OPHN1: variants seen among roughly 807,000 people sequenced by gnomAD.
The protein encoded by OPHN1 is oligophrenin 1.
OPHN1 carries 11 observed loss-of-function variants against 60.7 expected under a neutral mutation model. The ratio of observed to expected loss-of-function variants is 0.18; its 90% CI spans 0.11 to 0.30. The LOEUF (loss-of-function observed/expected upper bound fraction) is 0.30, where lower values mean the gene tolerates loss of function less well. Among genes scored for constraint, OPHN1 ranks in the 10% least tolerant of loss-of-function variants. OPHN1 has a pLI of 1.00. For synonymous variants in OPHN1, 226 were observed against 222.6 expected (o/e 1.02, Z -0.14); for missense variants, 449 against 611.0 (o/e 0.73, Z 2.80).
intron 6 of OPHN1, among the ~76,000 whole-genome samples, chrX:68,231,191 A>G (rs2077727177): frequency 9.0e-6 from 1 of 111,718 alleles, no homozygotes; most frequent in African/African-American, 3.3e-5. Flanking sequence ...ACTACAAAAC[A>G]CTGATGAAAA....
intron 2 of OPHN1, among the ~76,000 whole-genome samples, chrX:68,311,522 T>G (rs1027281803): frequency 9.9e-5 from 11 of 111,271 alleles, no homozygotes; most frequent in Non-Finnish European, 1.7e-4. Flanking sequence ...AACCTCCGCC[T>G]CCTGGGTTTA....
At chrX:68,268,275 G>C (rs180776226) in intron 5 of OPHN1, among the ~76,000 whole-genome samples, 1 of 111,489 alleles carries the variant, frequency 9.0e-6, no homozygotes, top group Non-Finnish European at 1.9e-5. Flanking sequence ...AAGCCAGGCA[G>C]AGACACAACA....
At chrX:68,322,682 G>A (rs1191513418) in intron 2 of OPHN1, among the ~76,000 whole-genome samples, 1 of 111,300 alleles carries the variant, frequency 9.0e-6, no homozygotes, top group Non-Finnish European at 1.9e-5. Context: ...AGCTACTTGG[G>A]AGACTGAGTC....
chrX:68,264,601 C>T (rs929888084), intron 5 of OPHN1, among the ~76,000 whole-genome samples: 3 of 111,786 alleles, frequency 2.7e-5, no homozygotes, highest in African/African-American at 6.5e-5. Context: ...CCAGTGTGTG[C>T]GACGTAGAAG....
intron 2 of OPHN1, among the ~76,000 whole-genome samples, chrX:68,389,777 T>A (rs2078644542): frequency 9.1e-6 from 1 of 109,843 alleles, no homozygotes; most frequent in Non-Finnish European, 1.9e-5. Flanking sequence ...TTTCTGCCAC[T>A]TACTCACTAT....
At chrX:68,176,276 CGT>C (rs1027988781) in intron 15 of OPHN1, among the ~76,000 whole-genome samples, 6 of 111,534 alleles carry the variant, frequency 5.4e-5, no homozygotes, top group African/African-American at 2.0e-4. Context: ...ATCTGTAAAT[CGT>C]GTGTGTGTTA....
At chrX:68,170,649 G>T (rs1034184812) in intron 15 of OPHN1, among the ~76,000 whole-genome samples, 3 of 109,022 alleles carry the variant, frequency 2.8e-5, no homozygotes, top group Non-Finnish European at 5.7e-5. Context: ...TATGAAATTG[G>T]AAATCATCAT....
chrX:68,157,330 T>C (rs1265331993), intron 15 of OPHN1, among the ~76,000 whole-genome samples: 1 of 111,684 alleles, frequency 9.0e-6, no homozygotes, highest in East Asian at 2.8e-4. Flanking sequence ...TTATTAAAAG[T>C]ATACCATCCA....
Position 68,378,271 on chromosome X carries a change from T to C in OPHN1, c.154+54596A>G, listed in dbSNP as rs2078572301. On this transcript the variant is annotated intron_variant, in intron 2 of 24. Coordinates refer to ENST00000355520, the MANE Select transcript of OPHN1 (RefSeq NM_002547.3). ...TTCATATCCTTCACCCACTTTTCGA[T>C]GGGGTTGTTTGTTTTTTTCTTGTAA... 9.8e-5 allele frequency among the ~76,000 whole-genome samples: 11 copies of C among 112,097 alleles called. No homozygotes were observed. In the South Asian group the frequency reaches 4.1e-3, roughly 42 times the overall value.
Position 68,325,393 on chromosome X carries a change from C to T in OPHN1, c.155-26297G>A, listed in dbSNP as rs191445607. ...AATGGAAATCTCTGATATAGATGCA[C>T]ATATATATAAAAAATTATGATATGA... On this transcript the variant is annotated intron_variant, in intron 2 of 24. Transcript: ENST00000355520. Among the ~76,000 whole-genome samples the T allele has an allele frequency of 6.4e-4, 67 of 104,762 alleles. No homozygotes were observed. The East Asian group carries it at 0.02, about 32-fold the overall frequency. 91.0% of individuals were successfully genotyped at this position (104,762 alleles called of 115,157 possible).
intron 2 of OPHN1, among the ~76,000 whole-genome samples, chrX:68,399,937 C>T (rs1351391006): frequency 2.7e-5 from 3 of 109,386 alleles, no homozygotes; most frequent in Non-Finnish European, 3.8e-5. Flanking sequence ...GCAATTCTCC[C>T]GCCTCAGCCT....
chrX:68,318,183 C>A (rs1428144361), intron 2 of OPHN1, among the ~76,000 whole-genome samples: 1 of 111,650 alleles, frequency 9.0e-6, no homozygotes, highest in Non-Finnish European at 1.9e-5. Flanking sequence ...TGAACCCCCC[C>A]AAAAAACAAG....
chrX:68,290,769 C>G (rs1412320049), intron 3 of OPHN1, among the ~76,000 whole-genome samples: 10 of 107,851 alleles, frequency 9.3e-5, no homozygotes, highest in Non-Finnish European at 1.7e-4. Context: ...AGAGCCAAAC[C>G]CTGATTAAAA....
At chrX:68,073,698 G>A (rs2042333536) in intron 19 of OPHN1, among the ~76,000 whole-genome samples, 1 of 111,632 alleles carries the variant, frequency 9.0e-6, no homozygotes, top group Non-Finnish European at 1.9e-5. Context: ...GAGCTGTCAA[G>A]GTGCCTTCTA....
intron 2 of OPHN1, among the ~76,000 whole-genome samples, chrX:68,391,338 T>C (rs748742298): frequency 1.8e-5 from 2 of 111,875 alleles, no homozygotes; most frequent in Non-Finnish European, 3.8e-5. Context: ...TGTTTTTCTC[T>C]TTTTTTGCAA....
chrX:68,404,643 C>T (rs775606577), intron 2 of OPHN1, among the ~76,000 whole-genome samples: 15 of 110,767 alleles, frequency 1.4e-4, no homozygotes, highest in East Asian at 5.7e-4. Flanking sequence ...AAACAAAATG[C>T]GGTATATATA....
At chrX:68,300,716 C>T (rs1266535212) in intron 2 of OPHN1, among the ~76,000 whole-genome samples, 2 of 112,726 alleles carry the variant, frequency 1.8e-5, no homozygotes, top group African/African-American at 6.4e-5. Flanking sequence ...TCCCCATCTG[C>T]TCTCTGTTAT....
intron 15 of OPHN1, among the ~76,000 whole-genome samples, chrX:68,135,049 A>T (rs1396245990): frequency 9.0e-6 from 1 of 111,390 alleles, no homozygotes; most frequent in African/African-American, 3.3e-5. Flanking sequence ...TAGTTTTTTT[A>T]ATCAGGACTT....
chrX:68,325,080 C>A (rs1363983256), intron 2 of OPHN1, among the ~76,000 whole-genome samples: 2 of 110,648 alleles, frequency 1.8e-5, no homozygotes, highest in Non-Finnish European at 3.8e-5. Flanking sequence ...TTGAAAGATA[C>A]AAATGACCCC....
Sources: gnomAD v4.1 joint callset for allele counts (sites outside exome capture counted in the v4.1 genomes callset) on GRCh38, gnomAD v4.1.1 for gene constraint, MANE v1.5 for transcripts, NCBI Gene and HGNC (gene_info 2026-07-23, HGNC 2026-07-21) for gene names.